Variants in C2CD4B observed in about 807,000 individuals in gnomAD.
C2CD4B encodes the protein C2 calcium-dependent domain-containing protein 4B.
For synonymous variants in C2CD4B, 347 were observed against 284.9 expected (o/e 1.22, Z -2.20); for missense variants, 644 against 577.7 (o/e 1.11, Z -1.18).
rs1433303622 is a variant in C2CD4B at position 62,164,753 on chromosome 15, A to AG, written c.231dup (p.Trp78LeufsTer158). 6.7e-7 allele frequency: 1 copy of AG among 1,486,736 alleles called. No individual in the cohort carries two copies. Among genetic ancestry groups the AG allele is most frequent in the African/African-American group, 1.5e-5 (1 of 68,176 alleles). The allele number at this position is 1,486,736 out of a possible 1,614,324, so 92.1% of individuals were successfully genotyped here. On this transcript the variant is annotated frameshift_variant, in exon 2 of 2. Coordinates refer to ENST00000380392, the MANE Select transcript of C2CD4B (RefSeq NM_001007595.3). LOFTEE classifies it low-confidence loss of function (END_TRUNC). Reference sequence around the variant, plus strand: ...AGCGCTGCCTGCGAGCGCGGGTCCCAGTCCGTGCGGCCGGCGTCCTCGTCT... The same window carrying AG: ...AGCGCTGCCTGCGAGCGCGGGTCCCAGGTCCGTGCGGCCGGCGTCCTCGTCT...
chr15:62,164,565 C>T lies in C2CD4B; in HGVS notation c.420G>A (p.Leu140=), dbSNP rs1596582554. ...GACCTCGCGGGCCGCACAGGGTCCC[C>T]AGGGGGGCGTCCGGGCCTCCGCCGC... The part of the protein sequence containing the change: ...CGGGGGPDAP[L]GTLCGPRGPG... Residue 140 remains leucine (L), a synonymous_variant, in exon 2 of 2, where the codon CTG becomes CTA. Transcript: ENST00000380392. 1 of 1,180,712 alleles carries T rather than the reference C, an allele frequency of 8.5e-7. No individual in the cohort carries two copies. Among genetic ancestry groups the T allele is most frequent in the Admixed American group, 4.7e-5 (1 of 21,504 alleles). 73.1% of individuals were successfully genotyped at this position (1,180,712 alleles called of 1,614,324 possible).
Position 62,164,078 on chromosome 15 carries a change from A to G in C2CD4B, c.907T>C (p.Cys303Arg). The G allele has an allele frequency of 6.4e-7, 1 of 1,563,362 alleles. No individual in the cohort carries two copies. The highest frequency in any genetic ancestry group is 8.6e-7 in the Non-Finnish European group (1 of 1,161,096). Residue 303 changes from cysteine to arginine, a missense_variant, in exon 2 of 2, where the codon TGC becomes CGC. Coordinates refer to ENST00000380392, the MANE Select transcript of C2CD4B (RefSeq NM_001007595.3). ...LRPPGTARWQ[C>R]SAVVGRSRKA... ...CGGCTGCGCCCCACCACAGCGCTGC[A>G]TTGCCAACGCGCAGTGCCCGGCGGC...
rs1000412171 is a variant in C2CD4B, at chr15:62,164,233, G to T, written c.752C>A (p.Ala251Asp). Residue 251 changes from alanine (A) to aspartate (D), a missense_variant, in exon 2 of 2, where the codon GCC (alanine) becomes GAC (aspartate). By Grantham distance (126) the Ala-to-Asp change is moderately radical (BLOSUM62 -2). Transcript: ENST00000380392. ...ACAGTACTCAGCAGCCAGGCGCAGG[G>T]CGTCGCCGGCGCGGCCCAGAGCCAC... ...GTVALGRAGD[A>D]LRLAAEYCPG... 6 of 1,458,110 alleles carry T rather than the reference G, an allele frequency of 4.1e-6. No individual in the cohort carries two copies. Among genetic ancestry groups the T allele is most frequent in the South Asian group, 1.3e-5 (1 of 74,756 alleles). 90.3% of individuals were successfully genotyped at this position (1,458,110 alleles called of 1,614,324 possible).
chr15:62,164,892 G>C lies in C2CD4B; in HGVS notation c.93C>G (p.Pro31=), dbSNP rs763013277. Residue 31 remains proline, a synonymous_variant, in exon 2 of 2, where the codon CCC becomes CCG. Transcript: ENST00000380392. The stretch of plus-strand genomic sequence containing the variant: ...GCAGCCGCGGCGGGATGCAGAATTC[G>C]GGGATGCGATTCGGCGTGAGCACTT... ...FAKVLTPNRI[P]EFCIPPRLPA... 6.5e-6 allele frequency: 10 copies of C among 1,528,550 alleles called. No individual in the cohort carries two copies. The highest frequency in any genetic ancestry group is 2.4e-5 in the South Asian group (2 of 83,126). 94.7% of individuals were successfully genotyped at this position (1,528,550 alleles called of 1,614,324 possible).
At position 62,163,673 on chromosome 15, in the gene C2CD4B, A is replaced by G. The variant is rs1049957200; in HGVS notation, c.*217T>C. On this transcript the variant is annotated 3_prime_UTR_variant, in exon 2 of 2. Coordinates refer to ENST00000380392, the MANE Select transcript of C2CD4B (RefSeq NM_001007595.3). ...ACCCATTTTTCCTTGGAATGCAAAA[A>G]TGGTCTGGAAAGAGATATGGGGGTC... 4.9e-6 allele frequency: 3 copies of G among 615,394 alleles called. No homozygotes were observed. The highest frequency in any genetic ancestry group is 1.9e-5 in the African/African-American group (1 of 52,570). The allele number at this position is 615,394 out of a possible 1,614,324, so 38.1% of individuals were successfully genotyped here. A position where few individuals can be genotyped will look rare whatever the true frequency, so the allele number is the denominator to read the frequency against.
chr15:62,163,982 G>A lies in C2CD4B; in HGVS notation c.1003C>T (p.Arg335Cys), dbSNP rs753188597. Residue 335 changes from arginine to cysteine, a missense_variant, in exon 2 of 2, where the codon CGC becomes TGC. Arg to Cys is a radical substitution (Grantham distance 180). Coordinates refer to ENST00000380392, the MANE Select transcript of C2CD4B (RefSeq NM_001007595.3). ...SEDEVRRLAVRVKARDEGRGR... is the reference protein window; with the variant it reads ...SEDEVRRLAVCVKARDEGRGR... ...CGACCCTCATCCCGGGCCTTGACGCGAACGGCCAGGCGGCGCACCTCGTCT... is the reference window on the plus strand; with the variant it reads ...CGACCCTCATCCCGGGCCTTGACGCAAACGGCCAGGCGGCGCACCTCGTCT... 6.3e-7 allele frequency: 1 copy of A among 1,598,874 alleles called. No individual in the cohort carries two copies. The highest frequency in any genetic ancestry group is 8.5e-7 in the Non-Finnish European group (1 of 1,175,292).
In C2CD4B at chr15:62,164,559, G is replaced by A. The variant is rs1244526358; in HGVS notation, c.426C>T (p.Thr142=). Residue 142 remains threonine, a synonymous_variant, in exon 2 of 2, where the codon ACC becomes ACT. Transcript: ENST00000380392. The part of the protein sequence containing the change: ...GGGGPDAPLG[T]LCGPRGPGPA... Reference sequence around the variant, plus strand: ...GGCCCGGACCTCGCGGGCCGCACAGGGTCCCCAGGGGGGCGTCCGGGCCTC... The same window carrying A: ...GGCCCGGACCTCGCGGGCCGCACAGAGTCCCCAGGGGGGCGTCCGGGCCTC... 4.3e-6 allele frequency: 5 copies of A among 1,165,676 alleles called. No individual in the cohort carries two copies. In the East Asian group the frequency reaches 1.2e-4, roughly 28 times the overall value. The allele number at this position is 1,165,676 out of a possible 1,614,324, so 72.2% of individuals were successfully genotyped here. A position where few individuals can be genotyped will look rare whatever the true frequency, so the allele number is the denominator to read the frequency against.
Position 62,163,955 on chromosome 15 carries a change from C to G in C2CD4B, c.1030G>C (p.Gly344Arg), listed in dbSNP as rs746496104. 2.5e-6 allele frequency: 4 copies of G among 1,583,932 alleles called. No homozygotes were observed. The East Asian group carries it at 9.1e-5, about 36-fold the overall frequency. Residue 344 changes from glycine to arginine, a missense_variant, in exon 2 of 2, where the codon GGC becomes CGC. By Grantham distance (125) the Gly-to-Arg change is moderately radical. Coordinates refer to ENST00000380392, the MANE Select transcript of C2CD4B (RefSeq NM_001007595.3). ...VRVKARDEGR[G>R]RDRGRLLGQG... ...CCCAGCAGGCGGCCCCGATCCCGGCCGCGACCCTCATCCCGGGCCTTGACG... is the reference window on the plus strand; with the variant it reads ...CCCAGCAGGCGGCCCCGATCCCGGCGGCGACCCTCATCCCGGGCCTTGACG...
In C2CD4B at chr15:62,164,322, G is replaced by C; in HGVS notation, c.663C>G (p.Ala221=). ...TGGATGACAGCGGGCTCGAGGAGGGGGCCCGGGCCGGGGACTCGGATCCCG... is the reference window on the plus strand; with the variant it reads ...TGGATGACAGCGGGCTCGAGGAGGGCGCCCGGGCCGGGGACTCGGATCCCG... ...RRAGSESPAR[A]PSSSPLSSRA... The change falls in exon 2 of 2, where the codon GCC becomes GCG. Residue 221 remains alanine (A), a synonymous_variant. Coordinates refer to ENST00000380392, the MANE Select transcript of C2CD4B (RefSeq NM_001007595.3). The C allele has an allele frequency of 7.1e-7, 1 of 1,403,098 alleles. No homozygotes were observed. The highest frequency in any genetic ancestry group is 2.5e-4 in the Middle Eastern group (1 of 3,944). The allele number at this position is 1,403,098 out of a possible 1,614,324, so 86.9% of individuals were successfully genotyped here.
In C2CD4B at chr15:62,164,451, G is replaced by A. The variant is rs2049588941; in HGVS notation, c.534C>T (p.Arg178=). 1 of 1,302,822 alleles carries A rather than the reference G, an allele frequency of 7.7e-7. No homozygotes were observed. The highest frequency in any genetic ancestry group is 9.7e-7 in the Non-Finnish European group (1 of 1,031,756). 80.7% of individuals were successfully genotyped at this position (1,302,822 alleles called of 1,614,324 possible). A position where few individuals can be genotyped will look rare whatever the true frequency, so the allele number is the denominator to read the frequency against. The change falls in exon 2 of 2, where the codon CGC becomes CGT. Residue 178 remains arginine (R), a synonymous_variant. Transcript: ENST00000380392. ...AAGPRRCRLL[R]VPDGLLSRAL... ...CGCGACTCAGCAGCCCGTCGGGGAC[G>A]CGCAGGAGGCGGCAGCGGCGGGGCC... is the stretch of plus-strand genomic sequence containing the variant.
rs12916916 is a variant in C2CD4B, at chr15:62,163,967, C to G, written c.1018G>C (p.Asp340His). ...CCCCGATCCCGGCCGCGACCCTCATCCCGGGCCTTGACGCGAACGGCCAGG... is the reference window on the plus strand; with the variant it reads ...CCCCGATCCCGGCCGCGACCCTCATGCCGGGCCTTGACGCGAACGGCCAGG... ...RRLAVRVKAR[D>H]EGRGRDRGRL... The change falls in exon 2 of 2, where the codon GAT becomes CAT. Residue 340 changes from aspartate to histidine, a missense_variant. By Grantham distance (81) the Asp-to-His change is moderately conservative. Coordinates refer to ENST00000380392, the MANE Select transcript of C2CD4B (RefSeq NM_001007595.3). 1 of 1,592,922 alleles carries G rather than the reference C, an allele frequency of 6.3e-7. No homozygotes were observed. Among genetic ancestry groups the G allele is most frequent in the Non-Finnish European group, 8.5e-7 (1 of 1,172,818 alleles).
Position 62,163,935 on chromosome 15 carries a change from C to A in C2CD4B, c.1050G>T (p.Leu350=). ...DEGRGRDRGR[L]LGQGELSLGA... ...CCAGGGACAGCTCACCCTGGCCCAG[C>A]AGGCGGCCCCGATCCCGGCCGCGAC... is the stretch of plus-strand genomic sequence containing the variant. The change falls in exon 2 of 2, where the codon CTG becomes CTT. Residue 350 remains leucine, a synonymous_variant. Transcript: ENST00000380392. 2 of 1,562,608 alleles carry A rather than the reference C, an allele frequency of 1.3e-6. No individual in the cohort carries two copies. The highest frequency in any genetic ancestry group is 1.7e-6 in the Non-Finnish European group (2 of 1,158,706).
At position 62,164,282 on chromosome 15, in the gene C2CD4B, C is replaced by G; in HGVS notation, c.703G>C (p.Glu235Gln). Residue 235 changes from glutamate to glutamine, a missense_variant, in exon 2 of 2, where the codon GAG becomes CAG. Transcript: ENST00000380392. Reference sequence around the variant, plus strand: ...ACGGTGCCCTTGGCCTCCAGGCGCTCAGGAAGCGGGGCCCTGGATGACAGC... The same window carrying G: ...ACGGTGCCCTTGGCCTCCAGGCGCTGAGGAAGCGGGGCCCTGGATGACAGC... ...SPLSSRAPLPERLEAKGTVAL... is the reference protein window; with the variant it reads ...SPLSSRAPLPQRLEAKGTVAL... 7.0e-7 allele frequency: 1 copy of G among 1,422,360 alleles called. No individual in the cohort carries two copies. The highest frequency in any genetic ancestry group is 1.5e-5 in the African/African-American group (1 of 66,680). The allele number at this position is 1,422,360 out of a possible 1,614,324, so 88.1% of individuals were successfully genotyped here. A position where few individuals can be genotyped will look rare whatever the true frequency, so the allele number is the denominator to read the frequency against.
chr15:62,164,459 G>A lies in C2CD4B; in HGVS notation c.526C>T (p.Leu176Phe), dbSNP rs2049589082. 7.8e-7 allele frequency: 1 copy of A among 1,288,916 alleles called. No individual in the cohort carries two copies. Among genetic ancestry groups the A allele is most frequent in the Non-Finnish European group, 9.8e-7 (1 of 1,024,488 alleles). 79.8% of individuals were successfully genotyped at this position (1,288,916 alleles called of 1,614,324 possible). A position where few individuals can be genotyped will look rare whatever the true frequency, so the allele number is the denominator to read the frequency against. Residue 176 changes from leucine to phenylalanine, a missense_variant, in exon 2 of 2, where the codon CTC (leucine) becomes TTC (phenylalanine). Physicochemically the swap from Leu to Phe is conservative, Grantham distance 22. Transcript: ENST00000380392. ...ALAAGPRRCR[L>F]LRVPDGLLSR... is the part of the protein sequence containing the mutation. ...AGCAGCCCGTCGGGGACGCGCAGGA[G>A]GCGGCAGCGGCGGGGCCCCGCAGCG...
Position 62,165,249 on chromosome 15 carries a change from C to T in C2CD4B, c.-95G>A, listed in dbSNP as rs893295473. The T allele has an allele frequency of 4.7e-6, 2 of 426,866 alleles. No homozygotes were observed. The highest frequency in any genetic ancestry group is 4.4e-5 in the Admixed American group (1 of 22,870). 26.4% of individuals were successfully genotyped at this position (426,866 alleles called of 1,614,324 possible). On this transcript the variant is annotated 5_prime_UTR_variant, in exon 1 of 2. Transcript: ENST00000380392. ...TGGTTGCAAGCTCAGTGCCAGTGGC[C>T]TCTAGCCCGCTGCCGAGGCGCCACC... is the stretch of plus-strand genomic sequence containing the variant.
In C2CD4B at chr15:62,163,714, G is replaced by T. The variant is rs1441768546; in HGVS notation, c.*176C>A. ...TATGGGGGTCCTGTGAACAGAACAG[G>T]GAGTCATTATCTTTTTCTTCTTTAC... is the stretch of plus-strand genomic sequence containing the variant. On this transcript the variant is annotated 3_prime_UTR_variant, in exon 2 of 2. Transcript: ENST00000380392. The T allele has an allele frequency of 8.4e-6, 8 of 953,396 alleles. No individual in the cohort carries two copies. Among genetic ancestry groups the T allele is most frequent in the Non-Finnish European group, 1.1e-5 (8 of 704,622 alleles). 59.1% of individuals were successfully genotyped at this position (953,396 alleles called of 1,614,324 possible).
chr15:62,164,002 T>C lies in C2CD4B; in HGVS notation c.983A>G (p.Glu328Gly). 2 of 1,600,054 alleles carry C rather than the reference T, an allele frequency of 1.2e-6. No homozygotes were observed. The highest frequency in any genetic ancestry group is 1.7e-6 in the Non-Finnish European group (2 of 1,175,832). Residue 328 changes from glutamate to glycine, a missense_variant, in exon 2 of 2, where the codon GAG (glutamate) becomes GGG (glycine). Glu to Gly is a moderately conservative substitution (Grantham distance 98). Coordinates refer to ENST00000380392, the MANE Select transcript of C2CD4B (RefSeq NM_001007595.3). ...DFCFDGLSED[E>G]VRRLAVRVKA... ...GACGCGAACGGCCAGGCGGCGCACCTCGTCTTCCGAGAGGCCGTCGAAGCA... is the reference window on the plus strand; with the variant it reads ...GACGCGAACGGCCAGGCGGCGCACCCCGTCTTCCGAGAGGCCGTCGAAGCA...
chr15:62,164,075 T>C lies in C2CD4B; in HGVS notation c.910A>G (p.Ser304Gly), dbSNP rs753964353. 8.2e-5 allele frequency: 128 copies of C among 1,566,750 alleles called. No homozygotes were observed. Among genetic ancestry groups the C allele is most frequent in the Admixed American group, 1.4e-4 (8 of 55,670 alleles). ...TTGCGGCTGCGCCCCACCACAGCGC[T>C]GCATTGCCAACGCGCAGTGCCCGGC... ...RPPGTARWQC[S>G]AVVGRSRKAS... Residue 304 changes from serine (S) to glycine (G), a missense_variant, in exon 2 of 2, where the codon AGC (serine) becomes GGC (glycine). Physicochemically the swap from Ser to Gly is moderately conservative, Grantham distance 56. Coordinates refer to ENST00000380392, the MANE Select transcript of C2CD4B (RefSeq NM_001007595.3).
rs993199245 is a variant in C2CD4B at position 62,164,220 on chromosome 15, A to G, written c.765T>C (p.Ala255=). The G allele has an allele frequency of 6.1e-6, 9 of 1,467,160 alleles. No homozygotes were observed. The Admixed American group carries it at 1.5e-4, about 25-fold the overall frequency. 90.9% of individuals were successfully genotyped at this position (1,467,160 alleles called of 1,614,324 possible). The change falls in exon 2 of 2, where the codon GCT becomes GCC. Residue 255 remains alanine (A), a synonymous_variant. Coordinates refer to ENST00000380392, the MANE Select transcript of C2CD4B (RefSeq NM_001007595.3). Reference sequence around the variant, plus strand: ...GCCGGGTTCCCGGACAGTACTCAGCAGCCAGGCGCAGGGCGTCGCCGGCGC... The same window carrying G: ...GCCGGGTTCCCGGACAGTACTCAGCGGCCAGGCGCAGGGCGTCGCCGGCGC... ...LGRAGDALRL[A]AEYCPGTRRL...
Sources: gnomAD v4.1 joint callset for allele counts on GRCh38, gnomAD v4.1.1 for gene constraint, MANE v1.5 for transcripts, NCBI Gene and HGNC (gene_info 2026-07-23, HGNC 2026-07-21) for gene names.